SPTBN5: variants seen among roughly 807,000 people sequenced by gnomAD.
SPTBN5 encodes spectrin beta, non-erythrocytic 5.
SPTBN5 carries 513 observed loss-of-function variants against 477.6 expected under a neutral mutation model. That is an observed-to-expected ratio of 1.07 (90% confidence interval 1.00 to 1.16). SPTBN5 has a LOEUF of 1.16. Ranked by LOEUF, SPTBN5 falls within the 50% of genes most tolerant of loss-of-function variation. The pLI, the probability that SPTBN5 is intolerant of heterozygous loss-of-function variation, is 0.00. For synonymous variants in SPTBN5, 2,169 were observed against 2,011.7 expected, an observed-to-expected ratio of 1.08 and a Z score of -2.09; for missense variants, 5,062 against 4,731.8, an observed-to-expected ratio of 1.07 and a Z score of -2.05.
Position 41,860,624 on chromosome 15 carries a change from G to A in SPTBN5, c.7950C>T (p.Ala2650=). 3.3e-6 allele frequency: 5 copies of A among 1,521,420 alleles called. No homozygotes were observed. The highest frequency in any genetic ancestry group is 3.5e-6 in the Non-Finnish European group (4 of 1,132,732). The allele number at this position is 1,521,420 out of a possible 1,614,324, so 94.2% of individuals were successfully genotyped here. The change falls in exon 47 of 68, where the codon GCC becomes GCT. Residue 2650 remains alanine, a synonymous_variant. Coordinates refer to ENST00000320955, the MANE Select transcript of SPTBN5 (RefSeq NM_016642.4). ...CCTGGCACCTGCCCAGGGCACTCTG[G>A]GCCTCGGGGTGCCCACCCTGGTGCA... The part of the protein sequence containing the change: ...RGLHQGGHPE[A]QSALGRCQAM...
chr15:41,878,139 A>G (rs936100775), intron 17 of SPTBN5, among the ~76,000 whole-genome samples: 1 of 152,100 alleles, frequency 6.6e-6, no homozygotes, highest in Non-Finnish European at 1.5e-5. Flanking sequence ...CTCTCCTCGA[A>G]GTGTACAGGC....
In SPTBN5 at chr15:41,872,473, G is replaced by A; in HGVS notation, c.5008-14C>T. Reference sequence around the variant, plus strand: ...CTCCTGTAGAGCCTATGATGCATGAGGACCCATGCCAGGCTCAGCCTGGGT... The same window carrying A: ...CTCCTGTAGAGCCTATGATGCATGAAGACCCATGCCAGGCTCAGCCTGGGT... On this transcript the variant is annotated splice_polypyrimidine_tract_variant and intron_variant, in intron 26 of 67. Transcript: ENST00000320955. 1 of 1,548,260 alleles carries A rather than the reference G, an allele frequency of 6.5e-7. No homozygotes were observed.
In SPTBN5 at chr15:41,872,382, G is replaced by T; in HGVS notation, c.5085C>A (p.Pro1695=). The stretch of plus-strand genomic sequence containing the variant: ...CCACACGCTGCTGCTCAGGGACTTC[G>T]GGGCCAGTGAGGGTTTGGGCCGTCT... ...LDQTAQTLTG[P]EVPEQQRVVQ... Residue 1695 remains proline (P), a synonymous_variant, in exon 27 of 68, where the codon CCC becomes CCA. Coordinates refer to ENST00000320955, the MANE Select transcript of SPTBN5 (RefSeq NM_016642.4). 1.2e-6 allele frequency: 2 copies of T among 1,609,218 alleles called. No homozygotes were observed. The highest frequency in any genetic ancestry group is 1.7e-6 in the Non-Finnish European group (2 of 1,178,482).
intron 53 of SPTBN5, 64 bp from the exon 54 acceptor site, chr15:41,855,809 C>G: frequency 6.9e-7 from 1 of 1,444,114 alleles, no homozygotes; most frequent in Non-Finnish European, 9.2e-7. Context: ...GATTTACAGC[C>G]ACGATTCTCA....
chr15:41,862,571 G>C lies in SPTBN5; in HGVS notation c.7353C>G (p.Ser2451Arg), dbSNP rs1380039849. 6.4e-7 allele frequency: 1 copy of C among 1,560,716 alleles called. No individual in the cohort carries two copies. The highest frequency in any genetic ancestry group is 8.7e-7 in the Non-Finnish European group (1 of 1,153,080). The change falls in exon 43 of 68, where the codon AGC (serine) becomes AGG (arginine). Residue 2451 changes from serine to arginine, a missense_variant. Ser to Arg is a moderately radical substitution (Grantham distance 110). Transcript: ENST00000320955. ...LRHRQQEVAE[S>R]WWQLRSRAQK... ...GGGCCCTGCTCCGGAGCTGCCACCA[G>C]CTCTCAGCCACCTCCTGCTGCCTGT... is the stretch of plus-strand genomic sequence containing the variant.
At chr15:41,875,147 C>A in intron 22 of SPTBN5, 91 bp from the exon 23 acceptor site, 1 of 1,214,908 alleles carries the variant, frequency 8.2e-7, no homozygotes. Context: ...ACTTTTAGGA[C>A]CAGATTCACC....
rs1255440549 is a variant in SPTBN5 at position 41,850,854 on chromosome 15, C to T, written c.10921G>A (p.Ala3641Thr). The part of the protein sequence containing the change: ...SWWRALGSTA[A>T]QSLSPKLKAK... ...CCCGCATCCTTCCCCTGAAGCCCAC[C>T]TGCAGTGCTGCCCAGGGCTCGCCAC... The change falls in exon 66 of 68, where the codon GCC (alanine) becomes ACC (threonine). Residue 3641 changes from alanine to threonine, a missense_variant and splice_region_variant. Coordinates refer to ENST00000320955, the MANE Select transcript of SPTBN5 (RefSeq NM_016642.4). 1 of 1,593,494 alleles carries T rather than the reference C, an allele frequency of 6.3e-7. No individual in the cohort carries two copies. The highest frequency in any genetic ancestry group is 1.7e-5 in the Admixed American group (1 of 57,640).
rs777660602 is a variant in SPTBN5 at position 41,860,657 on chromosome 15, G to A, written c.7917C>T (p.Ala2639=). ...GGTGCCCACCCTGGTGCAGGCCGCG[G>A]GCCGTGGCCTCCAGAGCACTGATCT... ...AGKISALEAT[A]RGLHQGGHPE... Residue 2639 remains alanine, a synonymous_variant, in exon 47 of 68, where the codon GCC becomes GCT. Coordinates refer to ENST00000320955, the MANE Select transcript of SPTBN5 (RefSeq NM_016642.4). The A allele has an allele frequency of 1.1e-4, 171 of 1,562,448 alleles. No homozygotes were observed. The highest frequency in any genetic ancestry group is 1.9e-4 in the Admixed American group (10 of 53,030).
At chr15:41,886,924 T>G (rs933187398) in intron 6 of SPTBN5, among the ~76,000 whole-genome samples, 9 of 152,236 alleles carry the variant, frequency 5.9e-5, no homozygotes, top group African/African-American at 2.2e-4. Flanking sequence ...CATTAGAAGC[T>G]TAATAGCCCG....
At chr15:41,848,991 G>T (rs1418693497) in intron 67 of SPTBN5, among the ~76,000 whole-genome samples, 1 of 152,232 alleles carries the variant, frequency 6.6e-6, no homozygotes, top group Non-Finnish European at 1.5e-5. Flanking sequence ...GGCTCTGCAG[G>T]ACTGGGAGCA....
Position 41,884,169 on chromosome 15 carries a change from G to A in SPTBN5, c.1521-683C>T, listed in dbSNP as rs150657338. Among the ~76,000 whole-genome samples the A allele has an allele frequency of 3.1e-3, 479 of 152,146 alleles. 6 individuals are homozygous for A. The highest frequency in any genetic ancestry group is 0.011 in the African/African-American group (448 of 41,512). ...CCTGGCTAATTTTTTTGTATTTTTA[G>A]TAGAGACGGGGTTTCACTGTGTTAG... On this transcript the variant is annotated intron_variant, in intron 7 of 67. Coordinates refer to ENST00000320955, the MANE Select transcript of SPTBN5 (RefSeq NM_016642.4).
chr15:41,880,856 T>C (rs1239429995), intron 13 of SPTBN5, among the ~76,000 whole-genome samples, 178 bp downstream of exon 13: 1 of 152,256 alleles, frequency 6.6e-6, no homozygotes, highest in African/African-American at 2.4e-5. Context: ...CTGGGCTACC[T>C]TCTCATGTGA....
At chr15:41,852,395 T>C (rs2065795310) in intron 61 of SPTBN5, 79 bp from the exon 62 acceptor site, 1 of 1,480,146 alleles carries the variant, frequency 6.8e-7, no homozygotes, top group South Asian at 1.3e-5. Flanking sequence ...CTACCTCCCC[T>C]CCCCCAGCCC....
chr15:41,876,484 G>T (rs2066732045), intron 20 of SPTBN5, 64 bp downstream of exon 20: 3 of 1,445,192 alleles, frequency 2.1e-6, no homozygotes, highest in Non-Finnish European at 2.9e-6. Context: ...GCTGCACAGA[G>T]CTCTGTACGG....
chr15:41,885,812 C>A lies in SPTBN5; in HGVS notation c.1443G>T (p.Gly481=). 1 of 1,558,474 alleles carries A rather than the reference C, an allele frequency of 6.4e-7. No homozygotes were observed. The highest frequency in any genetic ancestry group is 8.7e-7 in the Non-Finnish European group (1 of 1,151,296). The change falls in exon 7 of 68, where the codon GGG becomes GGT. Residue 481 remains glycine, a synonymous_variant. Coordinates refer to ENST00000320955, the MANE Select transcript of SPTBN5 (RefSeq NM_016642.4). ...CGATCTCAGCCAGGGCCTGGAAGCG[C>A]CCCTCCTGGGGCAGGATGCCAGCCT... ...MLEAGILPQE[G]RFQALAEIAD...
At chr15:41,873,040 C>T (rs894501789) in intron 26 of SPTBN5, among the ~76,000 whole-genome samples, 8 of 152,132 alleles carry the variant, frequency 5.3e-5, no homozygotes, top group Admixed American at 3.3e-4. Flanking sequence ...AAGGGGACTT[C>T]GAGACCTCCC....
chr15:41,871,681 C>T (rs1371823601), intron 28 of SPTBN5, 101 bp downstream of exon 28: 15 of 1,428,588 alleles, frequency 1.0e-5, no homozygotes, highest in East Asian at 5.3e-5. Context: ...CAGGGCTCAC[C>T]GCTCTGCTGC....
rs907008489 is a variant in SPTBN5, at chr15:41,863,802, C to T, written c.7051G>A (p.Gly2351Ser). Residue 2351 changes from glycine to serine, a missense_variant, in exon 41 of 68, where the codon GGC becomes AGC. Transcript: ENST00000320955. The part of the protein sequence containing the change: ...QLNNRWASFH[G>S]NLLRYQQQLE... ...TGCTGCTGGTACCGGAGCAAGTTGCCATGGAAACTCGCCCACCTGGCCAAG... is the reference window on the plus strand; with the variant it reads ...TGCTGCTGGTACCGGAGCAAGTTGCTATGGAAACTCGCCCACCTGGCCAAG... 2.5e-6 allele frequency: 4 copies of T among 1,613,880 alleles called. No individual in the cohort carries two copies. The highest frequency in any genetic ancestry group is 3.4e-6 in the Non-Finnish European group (4 of 1,179,872).
intron 3 of SPTBN5, 75 bp from the exon 4 acceptor site, chr15:41,890,280 G>A: frequency 3.0e-6 from 3 of 1,003,336 alleles, no homozygotes; most frequent in Non-Finnish European, 4.6e-6. Context: ...AGCTTAGGGG[G>A]CCAGCTGCGG....
Sources: allele counts gnomAD v4.1 joint callset (sites outside exome capture counted in the v4.1 genomes callset), GRCh38; gene constraint gnomAD v4.1.1; transcripts MANE v1.5; gene names NCBI Gene and HGNC (gene_info 2026-07-23, HGNC 2026-07-21).